The following SLC44A1 variants were observed in gnomAD, a reference collection of about 807,000 sequenced individuals.
The protein encoded by SLC44A1 is choline transporter-like protein 1.
SLC44A1 carries 26 observed loss-of-function variants against 79.3 expected under a neutral mutation model. The ratio of observed to expected loss-of-function variants is 0.33; its 90% CI spans 0.24 to 0.46. The LOEUF is 0.46. SLC44A1 is among the 20% of genes least tolerant of loss of function. The pLI is 1.00. For synonymous variants in SLC44A1, 263 were observed against 286.2 expected, an observed-to-expected ratio of 0.92 and a Z score of 0.82; for missense variants, 688 against 798.1, an observed-to-expected ratio of 0.86 and a Z score of 1.66.
rs186384841 is a variant in SLC44A1, at chr9:105,267,184, G to C, written c.36+22280G>C. Reference sequence around the variant, plus strand: ...CTAGGTTGGAAATTATTTTTCCTCAGAATTTTAAATGAGTTGTTCCATTGC... The same window carrying C: ...CTAGGTTGGAAATTATTTTTCCTCACAATTTTAAATGAGTTGTTCCATTGC... On this transcript the variant is annotated intron_variant, in intron 1 of 15. Coordinates refer to ENST00000374720, the MANE Select transcript of SLC44A1 (RefSeq NM_080546.5). Among the ~76,000 whole-genome samples the C allele has an allele frequency of 2.6e-5, 4 of 152,272 alleles. No homozygotes were observed. In the East Asian group the frequency reaches 7.7e-4, roughly 29 times the overall value.
In SLC44A1 at chr9:105,392,457, T is replaced by C. The variant is rs1361296362; in HGVS notation, c.*3401T>C. 4.1e-6 allele frequency: 4 copies of C among 982,600 alleles called. No homozygotes were observed. Among genetic ancestry groups the C allele is most frequent in the Admixed American group, 6.3e-5 (1 of 15,940 alleles). The allele number at this position is 982,600 out of a possible 1,614,324, so 60.9% of individuals were successfully genotyped here. A position where few individuals can be genotyped will look rare whatever the true frequency, so the allele number is the denominator to read the frequency against. On this transcript the variant is annotated 3_prime_UTR_variant, in exon 16 of 16. Transcript: ENST00000374720. Reference sequence around the variant, plus strand: ...CGTGAGGGCATTAGGCTGCTGATTGTAAGTTATTTCCAATACCACTGATCT... The same window carrying C: ...CGTGAGGGCATTAGGCTGCTGATTGCAAGTTATTTCCAATACCACTGATCT...
intron 3 of SLC44A1, 111 bp downstream of exon 3, chr9:105,309,977 T>A: frequency 8.9e-7 from 1 of 1,120,832 alleles, no homozygotes; most frequent in Non-Finnish European, 1.2e-6. Context: ...ATTATTTTTA[T>A]GTGACTTCTG....
intron 7 of SLC44A1, among the ~76,000 whole-genome samples, chr9:105,359,356 C>T (rs967562565): frequency 1.3e-5 from 2 of 151,722 alleles, no homozygotes; most frequent in African/African-American, 4.8e-5. Context: ...TAAACAATGA[C>T]CTTAGGAGAA....
rs1588866466 is a variant in SLC44A1, at chr9:105,395,220, T to C, written c.*6164T>C. 5.1e-6 allele frequency: 5 copies of C among 980,110 alleles called. No homozygotes were observed. In the African/African-American group the frequency reaches 7.0e-5, roughly 14 times the overall value. 60.7% of individuals were successfully genotyped at this position (980,110 alleles called of 1,614,324 possible). ...GAAAAGTTTGGGGGTTTTTTTTGTT[T>C]GTTTTTGGTGTTTTTTTGAGACGGA... is the stretch of plus-strand genomic sequence containing the variant. On this transcript the variant is annotated 3_prime_UTR_variant, in exon 16 of 16. Coordinates refer to ENST00000374720, the MANE Select transcript of SLC44A1 (RefSeq NM_080546.5).
At chr9:105,285,126 T>C (rs916992405) in intron 1 of SLC44A1, among the ~76,000 whole-genome samples, 5 of 152,254 alleles carry the variant, frequency 3.3e-5, no homozygotes, top group Non-Finnish European at 7.3e-5. Context: ...TTCTATGGCA[T>C]GGATGTACCA....
intron 11 of SLC44A1, among the ~76,000 whole-genome samples, chr9:105,366,069 T>C (rs1340556439): frequency 3.3e-5 from 5 of 152,188 alleles, no homozygotes; most frequent in Non-Finnish European, 4.4e-5. Flanking sequence ...TCTAACCTTT[T>C]TTGTGTTTGG....
chr9:105,397,236 A>G lies in SLC44A1; in HGVS notation c.*8180A>G, dbSNP rs1370413567. ...GAAAGAAAAGTGCTGATCTAATGCTAAGTTTTCTCTGTGTACTGACTCAGT... is the reference window on the plus strand; with the variant it reads ...GAAAGAAAAGTGCTGATCTAATGCTGAGTTTTCTCTGTGTACTGACTCAGT... On this transcript the variant is annotated 3_prime_UTR_variant, in exon 16 of 16. Transcript: ENST00000374720. The G allele has an allele frequency of 1.0e-6, 1 of 985,394 alleles. No individual in the cohort carries two copies. The highest frequency in any genetic ancestry group is 1.7e-5 in the African/African-American group (1 of 57,370). 61.0% of individuals were successfully genotyped at this position (985,394 alleles called of 1,614,324 possible).
intron 10 of SLC44A1, among the ~76,000 whole-genome samples, chr9:105,365,199 A>G (rs1827901906): frequency 6.6e-6 from 1 of 152,232 alleles, no homozygotes; most frequent in Admixed American, 6.5e-5. Context: ...TGATGACCCC[A>G]TAAGTATTCA....
chr9:105,396,679 A>AAC lies in SLC44A1; in HGVS notation c.*7623_*7624insAC, dbSNP rs1483638310. Reference sequence around the variant, plus strand: ...AGCTGTGTAATGTGGCATGAGAAGTATGTTTTGGTGCCACATATTTCTCAA... The same window carrying AAC: ...AGCTGTGTAATGTGGCATGAGAAGTAACTGTTTTGGTGCCACATATTTCTCAA... On this transcript the variant is annotated 3_prime_UTR_variant, in exon 16 of 16. Coordinates refer to ENST00000374720, the MANE Select transcript of SLC44A1 (RefSeq NM_080546.5). 7 of 983,480 alleles carry AAC rather than the reference A, an allele frequency of 7.1e-6. No individual in the cohort carries two copies. The highest frequency in any genetic ancestry group is 8.4e-6 in the Non-Finnish European group (7 of 829,472). The allele number at this position is 983,480 out of a possible 1,614,324, so 60.9% of individuals were successfully genotyped here.
rs529620198 is a variant in SLC44A1, at chr9:105,438,309, C to A, written c.*14C>A. On this transcript the variant is annotated 3_prime_UTR_variant, in exon 16 of 16. Coordinates refer to the SLC44A1 transcript ENST00000374724. ...AAGAAAAGGTGACTGGTCTCATGAG[C>A]CCTGAAGAATGAACTCAGAGGAGGT... 4.5e-6 allele frequency: 7 copies of A among 1,549,156 alleles called. No individual in the cohort carries two copies. The South Asian group carries it at 4.8e-5, about 11-fold the overall frequency.
intron 3 of SLC44A1, among the ~76,000 whole-genome samples, chr9:105,328,458 A>C (rs987485574): frequency 6.6e-6 from 1 of 152,200 alleles, no homozygotes; most frequent in Non-Finnish European, 1.5e-5. Flanking sequence ...TTCCAGGCAG[A>C]TAGGCAGTGC....
At chr9:105,430,818 T>A (rs1829382965) in intron 15 of SLC44A1, among the ~76,000 whole-genome samples, 1 of 152,244 alleles carries the variant, frequency 6.6e-6, no homozygotes, top group African/African-American at 2.4e-5. Context: ...CATATGGTAA[T>A]CCTGTATTTA....
chr9:105,297,172 T>C (rs1013829762), intron 1 of SLC44A1, among the ~76,000 whole-genome samples: 2 of 152,222 alleles, frequency 1.3e-5, no homozygotes, highest in Admixed American at 1.3e-4. Flanking sequence ...TAACTGGTTG[T>C]GTTTTTTGTT....
At chr9:105,254,032 T>C (rs1160349066) in intron 1 of SLC44A1, among the ~76,000 whole-genome samples, 1 of 151,404 alleles carries the variant, frequency 6.6e-6, no homozygotes, top group African/African-American at 2.5e-5. Context: ...AGACCCTGTC[T>C]TAAACAAAGA....
chr9:105,427,944 G>A lies in SLC44A1; in HGVS notation c.1951-10337G>A, dbSNP rs534447119. ...ATTAGTCCTTTATGTTTCCTCTTCCGTAAATTCTGTATTCATGTCCTTTGC... is the reference window on the plus strand; with the variant it reads ...ATTAGTCCTTTATGTTTCCTCTTCCATAAATTCTGTATTCATGTCCTTTGC... On this transcript the variant is annotated intron_variant, in intron 15 of 15. Transcript: ENST00000374724. Among the ~76,000 whole-genome samples the A allele has an allele frequency of 9.9e-5, 15 of 151,934 alleles. No homozygotes were observed. The South Asian group carries it at 1.0e-3, about 11-fold the overall frequency.
intron 4 of SLC44A1, among the ~76,000 whole-genome samples, chr9:105,338,370 C>T (rs1826986617): frequency 6.6e-6 from 1 of 152,060 alleles, no homozygotes; most frequent in African/African-American, 2.4e-5. Context: ...CTGCTTTTTG[C>T]ATTATTTTTC....
In SLC44A1 at chr9:105,319,210, C is replaced by T. The variant is rs567783327; in HGVS notation, c.269+9344C>T. Among the ~76,000 whole-genome samples, 8 of 152,192 alleles carry T rather than the reference C, an allele frequency of 5.3e-5. No homozygotes were observed. The South Asian group carries it at 1.7e-3, about 32-fold the overall frequency. ...GACCCCAATTGCAAGATCAGGGGTC[C>T]ATAAAACCACCTATTTCCTGGCAAA... On this transcript the variant is annotated intron_variant, in intron 3 of 15. Transcript: ENST00000374720.
chr9:105,252,047 A>G (rs1829600789), intron 1 of SLC44A1, among the ~76,000 whole-genome samples: 1 of 152,208 alleles, frequency 6.6e-6, no homozygotes, highest in African/African-American at 2.4e-5. Flanking sequence ...AAAGAATATG[A>G]TTTCATGAGA....
chr9:105,422,011 C>G (rs1006496777), intron 15 of SLC44A1, among the ~76,000 whole-genome samples: 1 of 152,196 alleles, frequency 6.6e-6, no homozygotes, highest in African/African-American at 2.4e-5. Context: ...TGAGCATACT[C>G]AAGTGTTTCA....
Sources: allele counts gnomAD v4.1 joint callset (sites outside exome capture counted in the v4.1 genomes callset), GRCh38; gene constraint gnomAD v4.1.1; transcripts MANE v1.5; gene names NCBI Gene and HGNC (gene_info 2026-07-23, HGNC 2026-07-21).